Variants in POLK observed in about 807,000 individuals in gnomAD.
The protein encoded by POLK is DNA polymerase kappa, also known as polymerase (DNA directed) kappa.
POLK carries 76 observed loss-of-function variants against 94.0 expected under a neutral mutation model. The ratio of observed to expected loss-of-function variants is 0.81; its 90% CI spans 0.67 to 0.98. The LOEUF is 0.98. Ranked by LOEUF, POLK falls within the 50% of genes least tolerant of loss-of-function variation. The probability of loss-of-function intolerance (pLI) is 0.00; values close to 1 mark genes in which losing one functional copy is unlikely to be tolerated. For missense variants in POLK, 954 were observed against 1,010.1 expected, an observed-to-expected ratio of 0.94 and a Z score of 0.75; for synonymous variants, 349 against 325.4, an observed-to-expected ratio of 1.07 and a Z score of -0.78.
At chr5:75,561,538 T>C (rs1457665558) in intron 3 of POLK, among the ~76,000 whole-genome samples, 1 of 152,236 alleles carries the variant, frequency 6.6e-6, no homozygotes, top group African/African-American at 2.4e-5. Flanking sequence ...ATTTTGGCTT[T>C]TGTTGCAATT....
At chr5:75,532,997 G>C (rs943641583) in intron 1 of POLK, among the ~76,000 whole-genome samples, 1 of 152,064 alleles carries the variant, frequency 6.6e-6, no homozygotes, top group African/African-American at 2.4e-5. Flanking sequence ...ACCTTTCTTG[G>C]ATCCGTAGTT....
intron 6 of POLK, 58 bp from the exon 7 acceptor site, chr5:75,581,151 C>A: frequency 8.2e-7 from 1 of 1,217,890 alleles, no homozygotes; most frequent in Non-Finnish European, 1.2e-6. Flanking sequence ...GGAAACCTAA[C>A]TTATGAAGTA....
At chr5:75,596,256 C>T (rs377054438) in exon 13 of POLK, 3 of 1,609,432 alleles carry the variant, frequency 1.9e-6, no homozygotes, top group Non-Finnish European at 2.5e-6. Flanking sequence ...ATGAAGAGGA[C>T]AGGAAACACC....
chr5:75,601,072 C>T (rs2112915469), exon 15 of POLK: 1 of 152,084 alleles, frequency 6.6e-6, no homozygotes, highest in Admixed American at 6.5e-5. Flanking sequence ...TTAAAATACT[C>T]TTTATACATA....
intron 10 of POLK, among the ~76,000 whole-genome samples, chr5:75,587,987 A>G (rs1581089994): frequency 6.6e-6 from 1 of 152,292 alleles, no homozygotes; most frequent in East Asian, 1.9e-4. Context: ...CACATATATT[A>G]TTTGTGGTCA....
At chr5:75,566,276 A>C (rs1033432428) in intron 3 of POLK, among the ~76,000 whole-genome samples, 2 of 152,142 alleles carry the variant, frequency 1.3e-5, no homozygotes, top group Non-Finnish European at 2.9e-5. Flanking sequence ...GAGAATTTCA[A>C]GCCAGTGGAT....
intron 10 of POLK, among the ~76,000 whole-genome samples, chr5:75,588,141 A>C (rs1040954173): frequency 6.6e-6 from 1 of 152,174 alleles, no homozygotes; most frequent in Non-Finnish European, 1.5e-5. Context: ...ATATTTGATA[A>C]ATTTCTCTGC....
chr5:75,581,317 A>G, exon 7 of POLK: 1 of 1,614,038 alleles, frequency 6.2e-7, no homozygotes, highest in Non-Finnish European at 8.5e-7. Context: ...GATCCTTTCC[A>G]AGTGAACTTT....
chr5:75,587,644 G>A (rs924004413), intron 10 of POLK, among the ~76,000 whole-genome samples: 6 of 152,124 alleles, frequency 3.9e-5, no homozygotes, highest in African/African-American at 7.2e-5. Context: ...CCTAGGGCCC[G>A]GCAAGGTGGC....
chr5:75,586,580 A>C (rs908368105), intron 9 of POLK, among the ~76,000 whole-genome samples: 1 of 152,206 alleles, frequency 6.6e-6, no homozygotes. Flanking sequence ...CTGAGGTTCT[A>C]TTATAGAGTG....
Position 75,546,988 on chromosome 5 carries a change from GTTTATC to G in POLK, c.-13-16_-13-11del, listed in dbSNP as rs1770055306. On this transcript the variant is annotated splice_polypyrimidine_tract_variant and intron_variant, in intron 1 of 14. Coordinates refer to ENST00000241436, the Ensembl canonical transcript of POLK. ...GGCCACAGATGGTTTTAAAAGCAGT[GTTTATC>G]TTTATGCTTTTTCAGATAAGTTTAT... 1 of 1,368,556 alleles carries G rather than the reference GTTTATC, an allele frequency of 7.3e-7. No homozygotes were observed. Among genetic ancestry groups the G allele is most frequent in the South Asian group, 1.6e-5 (1 of 63,684 alleles). 84.8% of individuals were successfully genotyped at this position (1,368,556 alleles called of 1,614,324 possible). A position where few individuals can be genotyped will look rare whatever the true frequency, so the allele number is the denominator to read the frequency against.
Position 75,597,953 on chromosome 5 carries a change from TA to T in POLK, c.2549del (p.Tyr850SerfsTer7). Reference sequence around the variant, plus strand: ...TTCTAGGCCAGGATTGATGACAAAGTACTCAACATCAAAGAAAATAAAACCA... The same window carrying T: ...TTCTAGGCCAGGATTGATGACAAAGTCTCAACATCAAAGAAAATAAAACCA... On this transcript the variant is annotated frameshift_variant, in exon 15 of 15. Coordinates refer to ENST00000241436, the Ensembl canonical transcript of POLK. LOFTEE classifies it high-confidence loss of function. 6.7e-7 allele frequency: 1 copy of T among 1,502,040 alleles called. No homozygotes were observed. The highest frequency in any genetic ancestry group is 9.0e-7 in the Non-Finnish European group (1 of 1,110,740). The allele number at this position is 1,502,040 out of a possible 1,614,324, so 93.0% of individuals were successfully genotyped here.
At chr5:75,607,537 A>G in the POLK span, among the ~76,000 whole-genome samples, 2 of 150,628 alleles carry the variant, frequency 1.3e-5, no homozygotes, top group East Asian at 3.9e-4. Context: ...TTGCAGCTGT[A>G]GCATTCTGTT....
chr5:75,570,717 A>G (rs1771544116), intron 4 of POLK, among the ~76,000 whole-genome samples: 1 of 152,236 alleles, frequency 6.6e-6, no homozygotes, highest in African/African-American at 2.4e-5. Context: ...AAAAGTAGCA[A>G]CTAAAATAGA....
chr5:75,535,514 A>G (rs747270692), intron 1 of POLK, among the ~76,000 whole-genome samples: 10 of 151,888 alleles, frequency 6.6e-5, no homozygotes, highest in Non-Finnish European at 1.5e-4. Context: ...GTTCATGACA[A>G]TTTCATGGAC....
intron 1 of POLK, chr5:75,512,925 T>G (rs1368131187): frequency 6.6e-6 from 1 of 152,348 alleles, no homozygotes; most frequent in East Asian, 1.9e-4. Flanking sequence ...GCCGGGAGTT[T>G]GAGACCAGCC....
intron 1 of POLK, 180 bp downstream of exon 1, chr5:75,512,094 C>T: frequency 3.3e-6 from 1 of 301,810 alleles, no homozygotes; most frequent in South Asian, 6.7e-5. Flanking sequence ...CTGAAGATGA[C>T]GGGCCTGCTT....
chr5:75,511,415 T>C, upstream of POLK: 2 of 1,544,602 alleles, frequency 1.3e-6, no homozygotes, highest in South Asian at 2.4e-5. Context: ...GGACGAGCGG[T>C]GAAGGAAGCC....
At chr5:75,511,518 T>G (rs1768002469), upstream of POLK, 2 of 1,471,394 alleles carry the variant, frequency 1.4e-6, no homozygotes, top group South Asian at 2.7e-5. Context: ...CGATGCCAAT[T>G]TCAAATAGGG....
Sources: gnomAD v4.1 joint callset for allele counts (sites outside exome capture counted in the v4.1 genomes callset) on GRCh38, gnomAD v4.1.1 for gene constraint, MANE v1.5 for transcripts, NCBI Gene and HGNC (gene_info 2026-07-23, HGNC 2026-07-21) for gene names.